The following HSPA4 variants were observed in gnomAD, a reference collection of about 807,000 sequenced individuals.
HSPA4 encodes the protein heat shock protein family A (Hsp70) member 4.
A neutral mutation model predicts 106.2 loss-of-function variants in HSPA4; 25 were observed. The ratio of observed to expected loss-of-function variants is 0.24; its 90% CI spans 0.17 to 0.33. The LOEUF (loss-of-function observed/expected upper bound fraction) is 0.33, where lower values mean the gene tolerates loss of function less well. Ranked by LOEUF, HSPA4 falls within the 10% of genes least tolerant of loss-of-function variation. The pLI is 1.00. For missense variants in HSPA4, 841 were observed against 996.0 expected (o/e 0.84, Z 2.10); for synonymous variants, 332 against 333.6 (o/e 1.00, Z 0.05).
At chr5:133,084,912 A>G (rs1353775547) in intron 7 of HSPA4, among the ~76,000 whole-genome samples, 1 of 151,964 alleles carries the variant, frequency 6.6e-6, no homozygotes, top group Admixed American at 6.6e-5. Flanking sequence ...GGCCCAGGTG[A>G]TCCTCCTGCC....
rs200934308 is a variant in HSPA4, at chr5:133,096,113, T to G, written c.1666T>G (p.Ser556Ala). ...ATTGTTTTAGACCTCTCAAGCTGGA[T>G]CCAAGGATAAAAAGATGGACCAACC... Reference protein sequence around the residue: ...SEEMETSQAGSKDKKMDQPPQ... With the variant: ...SEEMETSQAGAKDKKMDQPPQ... Residue 556 changes from serine (S) to alanine (A), a missense_variant, in exon 14 of 19, where the codon TCC (serine) becomes GCC (alanine). Physicochemically the swap from Ser to Ala is moderately conservative, Grantham distance 99 (BLOSUM62 1). Around this residue, in one of 5 missense-constraint regions of HSPA4, gnomAD observed 328 missense variants for 372.2 expected, o/e 0.88. Coordinates refer to ENST00000304858, the MANE Select transcript of HSPA4 (RefSeq NM_002154.4). The G allele has an allele frequency of 6.2e-7, 1 of 1,613,804 alleles. No individual in the cohort carries two copies. Among genetic ancestry groups the G allele is most frequent in the African/African-American group, 1.3e-5 (1 of 75,020 alleles).
chr5:133,083,824 A>G (rs1053309988), intron 7 of HSPA4, among the ~76,000 whole-genome samples: 6 of 152,202 alleles, frequency 3.9e-5, no homozygotes, highest in Admixed American at 3.9e-4. Context: ...GGTGTGAGCT[A>G]CTGCGTGGCC....
intron 15 of HSPA4, among the ~76,000 whole-genome samples, 196 bp from the exon 16 acceptor site, chr5:133,099,349 T>G (rs1581482209): frequency 6.6e-6 from 1 of 151,488 alleles, no homozygotes; most frequent in South Asian, 2.1e-4. Context: ...GCCAGGCTGT[T>G]CTTGAACTCC....
At chr5:133,102,682 T>C (rs1045477759) in intron 17 of HSPA4, among the ~76,000 whole-genome samples, 2 of 152,156 alleles carry the variant, frequency 1.3e-5, no homozygotes, top group South Asian at 2.1e-4. Context: ...TCTTGACATA[T>C]TGTTAGTGTA....
intron 7 of HSPA4, among the ~76,000 whole-genome samples, chr5:133,085,489 T>TTAAAAAAAAAAAAA (rs1554089513): frequency 1.8e-5 from 2 of 110,288 alleles, no homozygotes; most frequent in African/African-American, 1.0e-4. Context: ...CCATCTCTAC[T>TTAAAAAAAAAAAAA]AAAAAAAAAA....
intron 1 of HSPA4, among the ~76,000 whole-genome samples, chr5:133,057,335 A>G (rs1765178004): frequency 6.6e-6 from 1 of 150,710 alleles, no homozygotes; most frequent in Non-Finnish European, 1.5e-5. Flanking sequence ...GGCTGTTGTA[A>G]TATCCTGAGA....
chr5:133,095,549 TACAG>T (rs1272261499), intron 13 of HSPA4, among the ~76,000 whole-genome samples: 1 of 152,164 alleles, frequency 6.6e-6, no homozygotes, highest in African/African-American at 2.4e-5. Context: ...TATAAATAGT[TACAG>T]ACATTATAGA....
rs923876835 is a variant in HSPA4 at position 133,093,443 on chromosome 5, A to C, written c.1650+654A>C. Among the ~76,000 whole-genome samples the C allele has an allele frequency of 5.3e-5, 8 of 152,266 alleles. No individual in the cohort carries two copies. In the Middle Eastern group the frequency reaches 0.017, roughly 324 times the overall value. ...ATTCATTACTGATAAACAATAATGAAACTGAAAAAATTTTCAAAATCATCA... is the reference window on the plus strand; with the variant it reads ...ATTCATTACTGATAAACAATAATGACACTGAAAAAATTTTCAAAATCATCA... On this transcript the variant is annotated intron_variant, in intron 13 of 18. Transcript: ENST00000304858.
intron 1 of HSPA4, among the ~76,000 whole-genome samples, chr5:133,057,255 A>C (rs1765176626): frequency 6.6e-6 from 1 of 152,050 alleles, no homozygotes; most frequent in African/African-American, 2.4e-5. Context: ...TGTATGTGAT[A>C]GTCTAATTAT....
intron 1 of HSPA4, chr5:133,053,031 T>A (rs903217287): frequency 5.3e-5 from 8 of 152,282 alleles, no homozygotes; most frequent in Non-Finnish European, 1.0e-4. Flanking sequence ...ATTGGGTCAC[T>A]CTCTGTTTTG....
rs779876187 is a variant in HSPA4, at chr5:133,070,376, G to C, written c.309G>C (p.Val103=). 6.2e-7 allele frequency: 1 copy of C among 1,608,706 alleles called. No homozygotes were observed. Among genetic ancestry groups the C allele is most frequent in the Non-Finnish European group, 8.5e-7 (1 of 1,178,636 alleles). ...QLPTGLTGIK[V]TYMEEERNFT... is the part of the protein sequence containing the mutation. The stretch of plus-strand genomic sequence containing the variant: ...GCCCCTTTGTTGTTTTCTTGCAGGT[G>C]ACATATATGGAGGAAGAGCGAAATT... Residue 103 remains valine, a splice_region_variant and synonymous_variant, in exon 4 of 19, where the codon GTG becomes GTC. Transcript: ENST00000304858.
chr5:133,056,228 T>C (rs1408808610), intron 1 of HSPA4, among the ~76,000 whole-genome samples: 1 of 152,140 alleles, frequency 6.6e-6, no homozygotes, highest in Non-Finnish European at 1.5e-5. Context: ...CAAGAAGAGC[T>C]GCATCCTTGA....
intron 11 of HSPA4, among the ~76,000 whole-genome samples, chr5:133,090,124 C>CTGAAT (rs1351323458): frequency 6.6e-6 from 1 of 152,130 alleles, no homozygotes; most frequent in African/African-American, 2.4e-5. Flanking sequence ...TGGACCCTAA[C>CTGAAT]ATACAGTTAT....
At position 133,097,232 on chromosome 5, in the gene HSPA4, G is replaced by A; in HGVS notation, c.1875G>A (p.Val625=). 1 of 1,612,878 alleles carries A rather than the reference G, an allele frequency of 6.2e-7. No homozygotes were observed. Among genetic ancestry groups the A allele is most frequent in the South Asian group, 1.1e-5 (1 of 91,028 alleles). Residue 625 remains valine, a synonymous_variant, in exon 15 of 19, where the codon GTG becomes GTA. Transcript: ENST00000304858. ...NDAKNAVEEY[V]YEMRDKLSGE... ...CTAAGAACGCAGTGGAGGAATATGTGTATGAAATGAGAGACAAGCTTAGTG... is the reference window on the plus strand; with the variant it reads ...CTAAGAACGCAGTGGAGGAATATGTATATGAAATGAGAGACAAGCTTAGTG...
intron 1 of HSPA4, among the ~76,000 whole-genome samples, chr5:133,053,285 C>T (rs1409869714): frequency 3.4e-5 from 5 of 146,336 alleles, no homozygotes; most frequent in Admixed American, 2.7e-4. Context: ...TAGACAAAAT[C>T]TTGTAAGAAG....
At chr5:133,090,430 C>CAAAAAAAAA (rs56263518) in intron 11 of HSPA4, among the ~76,000 whole-genome samples, 1 of 54,878 alleles carries the variant, frequency 1.8e-5, no homozygotes, top group African/African-American at 7.7e-5. Flanking sequence ...GACTCTGTCT[C>CAAAAAAAAA]AAAAAAAAAA....
intron 15 of HSPA4, among the ~76,000 whole-genome samples, chr5:133,098,218 C>T (rs1025703809): frequency 2.0e-5 from 3 of 152,212 alleles, no homozygotes; most frequent in Admixed American, 1.3e-4. Flanking sequence ...CAGCTCCATC[C>T]AGTTGCTGCA....
intron 17 of HSPA4, 43 bp downstream of exon 17, chr5:133,101,921 C>CTTTTTTTTTTTTTTTTTTTTTT (rs60177569): frequency 1.6e-6 from 1 of 642,122 alleles, no homozygotes; most frequent in Admixed American, 5.8e-5. Context: ...GTAAAGTTAA[C>CTTTTTTTTTTTTTTTTTTTTTT]TTTTTTTTTT....
intron 18 of HSPA4, 37 bp downstream of exon 18, chr5:133,104,063 C>A: frequency 6.4e-7 from 1 of 1,552,656 alleles, no homozygotes; most frequent in Non-Finnish European, 8.8e-7. Context: ...CTTTTCTTGA[C>A]AGCCTTATTA....
Sources: allele counts gnomAD v4.1 joint callset (sites outside exome capture counted in the v4.1 genomes callset), GRCh38; gene constraint gnomAD v4.1.1; regional missense constraint gnomAD v4.1.1; transcripts MANE v1.5; gene names NCBI Gene and HGNC (gene_info 2026-07-23, HGNC 2026-07-21).